The following STXBP4 variants were observed in gnomAD, a reference collection of about 807,000 sequenced individuals.
STXBP4 encodes syntaxin binding protein 4.
A neutral mutation model predicts 76.1 loss-of-function variants in STXBP4; 55 were observed. The ratio of observed to expected loss-of-function variants is 0.72; its 90% confidence interval spans 0.58 to 0.91. The LOEUF (loss-of-function observed/expected upper bound fraction) is 0.91. Ranked by LOEUF, STXBP4 falls within the 40% of genes least tolerant of loss-of-function variation. The pLI, the probability that STXBP4 is intolerant of heterozygous loss-of-function variation, is 0.00. For synonymous variants in STXBP4, 201 were observed against 220.2 expected (o/e 0.91, Z 0.77); for missense variants, 618 against 636.9 (o/e 0.97, Z 0.32).
chr17:55,181,056 T>G, the STXBP4 span, among the ~76,000 whole-genome samples: 2 of 152,218 alleles, frequency 1.3e-5, no homozygotes, highest in Non-Finnish European at 2.9e-5. Flanking sequence ...CAGGTTCACT[T>G]TGCTAAACTC....
chr17:55,140,970 A>G (rs1472890635), intron 16 of STXBP4, among the ~76,000 whole-genome samples: 1 of 152,178 alleles, frequency 6.6e-6, no homozygotes, highest in African/African-American at 2.4e-5. Context: ...AGCAGAGGCC[A>G]TCTTGTCCAT....
chr17:55,209,959 C>T, the STXBP4 span, among the ~76,000 whole-genome samples: 1 of 152,172 alleles, frequency 6.6e-6, no homozygotes, highest in Admixed American at 6.5e-5. Flanking sequence ...GTGTTTACAA[C>T]ACAAGTTAGG....
the STXBP4 span, among the ~76,000 whole-genome samples, chr17:55,187,134 C>T: frequency 1.6e-4 from 24 of 152,292 alleles, 1 homozygote; most frequent in Admixed American, 1.3e-3. Flanking sequence ...GAATGTATTG[C>T]CGTCATTAAT....
At chr17:55,008,337 G>A (rs894194455) in intron 8 of STXBP4, among the ~76,000 whole-genome samples, 7 of 151,684 alleles carry the variant, frequency 4.6e-5, no homozygotes, top group African/African-American at 1.7e-4. Flanking sequence ...CTAAAATAAA[G>A]CACACAATCT....
chr17:55,019,493 C>A (rs982430955), intron 8 of STXBP4, among the ~76,000 whole-genome samples: 1 of 151,906 alleles, frequency 6.6e-6, no homozygotes, highest in Non-Finnish European at 1.5e-5. Context: ...TTAGTTTTGG[C>A]GTATCTTTGT....
chr17:55,207,903 T>C, the STXBP4 span, among the ~76,000 whole-genome samples: 3 of 152,304 alleles, frequency 2.0e-5, no homozygotes, highest in Non-Finnish European at 4.4e-5. Flanking sequence ...CCAGTGTGAA[T>C]GGTAACTTTT....
chr17:54,993,097 G>T (rs1214184302), intron 4 of STXBP4, among the ~76,000 whole-genome samples: 1 of 152,196 alleles, frequency 6.6e-6, no homozygotes, highest in Non-Finnish European at 1.5e-5. Context: ...TAAGTTGATA[G>T]CGGTGGTGCT....
At chr17:55,206,118 T>C in the STXBP4 span, among the ~76,000 whole-genome samples, 1 of 152,156 alleles carries the variant, frequency 6.6e-6, no homozygotes, top group Admixed American at 6.5e-5. Flanking sequence ...ATGATGTCTT[T>C]GAAAAACCTC....
At chr17:55,002,287 T>A (rs1431812649) in intron 7 of STXBP4, among the ~76,000 whole-genome samples, 2 of 152,168 alleles carry the variant, frequency 1.3e-5, no homozygotes, top group Non-Finnish European at 2.9e-5. Context: ...TTTAAAGTAA[T>A]TGAACTATTC....
At chr17:54,980,407 G>C (rs1418205881) in intron 1 of STXBP4, among the ~76,000 whole-genome samples, 1 of 152,164 alleles carries the variant, frequency 6.6e-6, no homozygotes, top group Non-Finnish European at 1.5e-5. Context: ...TTGGCAATTT[G>C]AACAAAGATT....
At chr17:55,060,177 CA>C (rs1264002533) in intron 12 of STXBP4, among the ~76,000 whole-genome samples, 4 of 152,070 alleles carry the variant, frequency 2.6e-5, no homozygotes, top group Admixed American at 2.6e-4. Context: ...TGAAAGTGTC[CA>C]ATTTTAAAAT....
At chr17:55,002,275 CTT>C (rs990347333) in intron 7 of STXBP4, among the ~76,000 whole-genome samples, 14 of 152,088 alleles carry the variant, frequency 9.2e-5, no homozygotes, top group African/African-American at 3.4e-4. Flanking sequence ...ATGTTTTTAA[CTT>C]TTAAAGTAAT....
chr17:55,069,398 T>A (rs1014623269), intron 12 of STXBP4, among the ~76,000 whole-genome samples: 4 of 152,140 alleles, frequency 2.6e-5, no homozygotes, highest in Admixed American at 1.3e-4. Flanking sequence ...AGTCTCATGG[T>A]GAGGCACTGG....
chr17:55,213,064 A>G, the STXBP4 span, among the ~76,000 whole-genome samples: 1 of 152,292 alleles, frequency 6.6e-6, no homozygotes, highest in East Asian at 1.9e-4. Flanking sequence ...AATCTGATTC[A>G]TGCCTGAGGC....
chr17:55,007,336 C>T (rs1388117930), intron 7 of STXBP4, among the ~76,000 whole-genome samples, 170 bp from the exon 8 acceptor site: 1 of 148,508 alleles, frequency 6.7e-6, no homozygotes, highest in Non-Finnish European at 1.5e-5. Flanking sequence ...TCTGTCCCCC[C>T]TCCAAAAAAA....
chr17:54,969,170 G>C (rs944657188), intron 1 of STXBP4, among the ~76,000 whole-genome samples: 16 of 152,176 alleles, frequency 1.1e-4, no homozygotes, highest in African/African-American at 3.9e-4. Flanking sequence ...GGCTTCCCCT[G>C]CTCTGATGCC....
intron 4 of STXBP4, 72 bp from the exon 5 acceptor site, chr17:54,999,273 C>T (rs919094645): frequency 6.2e-6 from 8 of 1,285,926 alleles, no homozygotes; most frequent in Non-Finnish European, 8.7e-6. Context: ...CTTTTCATTG[C>T]TTTAATTACA....
At chr17:55,179,809 T>G in the STXBP4 span, among the ~76,000 whole-genome samples, 1 of 152,206 alleles carries the variant, frequency 6.6e-6, no homozygotes, top group African/African-American at 2.4e-5. Context: ...ATACAAAATA[T>G]GTGTTAATCA....
At chr17:55,024,742 C>T (rs959131860) in intron 8 of STXBP4, among the ~76,000 whole-genome samples, 6 of 152,100 alleles carry the variant, frequency 3.9e-5, no homozygotes, top group Non-Finnish European at 7.3e-5. Context: ...TCCATGGTAG[C>T]ATGATTATTA....
Sources: allele counts gnomAD v4.1 joint callset (sites outside exome capture counted in the v4.1 genomes callset), GRCh38; gene constraint gnomAD v4.1.1; transcripts MANE v1.5; gene names NCBI Gene and HGNC (gene_info 2026-07-23, HGNC 2026-07-21).